The following PCYT1A variants were observed in gnomAD, a reference collection of about 807,000 sequenced individuals.
The protein encoded by PCYT1A is choline-phosphate cytidylyltransferase A.
A neutral mutation model predicts 43.7 loss-of-function variants in PCYT1A; 25 were observed. The ratio of observed to expected loss-of-function variants is 0.57; its 90% CI spans 0.42 to 0.80. The LOEUF (loss-of-function observed/expected upper bound fraction) is 0.80. Ranked by LOEUF, PCYT1A falls within the 30% of genes least tolerant of loss-of-function variation. The pLI, the probability that PCYT1A is intolerant of heterozygous loss-of-function variation, is 0.00. For missense variants in PCYT1A, 421 were observed against 474.2 expected (o/e 0.89, Z 1.04); for synonymous variants, 172 against 170.7 (o/e 1.01, Z -0.06).
intron 1 of PCYT1A, among the ~76,000 whole-genome samples, chr3:196,281,724 A>T (rs1725776822): frequency 6.6e-6 from 1 of 152,158 alleles, no homozygotes; most frequent in South Asian, 2.1e-4. Context: ...AGTGAAAAAC[A>T]GTGTTAGAAA....
At chr3:196,243,874 C>T (rs1308865977) in intron 5 of PCYT1A, among the ~76,000 whole-genome samples, 3 of 152,372 alleles carry the variant, frequency 2.0e-5, no homozygotes, top group African/African-American at 4.8e-5. Flanking sequence ...GGCGTGATCT[C>T]GGCTCGCTAC....
intron 3 of PCYT1A, among the ~76,000 whole-genome samples, chr3:196,256,463 C>A (rs945830980): frequency 1.3e-5 from 2 of 152,112 alleles, no homozygotes; most frequent in Admixed American, 6.5e-5. Context: ...GCATGCCAGC[C>A]TGGGCAACAG....
At chr3:196,280,570 GTTTTTTTT>G in intron 1 of PCYT1A, among the ~76,000 whole-genome samples, 1 of 91,344 alleles carries the variant, frequency 1.1e-5, no homozygotes, top group South Asian at 4.0e-4. Flanking sequence ...TATTTTTATT[GTTTTTTTT>G]TTTTTTTTTT....
chr3:196,274,531 A>T (rs1046168273), intron 1 of PCYT1A, among the ~76,000 whole-genome samples: 1 of 152,204 alleles, frequency 6.6e-6, no homozygotes, highest in East Asian at 1.9e-4. Flanking sequence ...ATCAGCCAGA[A>T]ATTGGGGGTA....
At chr3:196,276,664 G>C (rs1014808550) in intron 1 of PCYT1A, among the ~76,000 whole-genome samples, 3 of 151,590 alleles carry the variant, frequency 2.0e-5, no homozygotes, top group African/African-American at 4.9e-5. Context: ...CTTCAATTAA[G>C]GCATGGAAAA....
At chr3:196,245,056 C>T (rs1724516580) in intron 5 of PCYT1A, among the ~76,000 whole-genome samples, 1 of 151,560 alleles carries the variant, frequency 6.6e-6, no homozygotes, top group Admixed American at 6.6e-5. Context: ...TGCCAAATCC[C>T]CCTCTGCGAG....
At chr3:196,251,478 C>A (rs985464281) in intron 3 of PCYT1A, 1 of 152,850 alleles carries the variant, frequency 6.5e-6, no homozygotes, top group Admixed American at 6.5e-5. Context: ...AAAAGCTTTA[C>A]TCATAAATAA....
In PCYT1A at chr3:196,239,656, A is replaced by C; in HGVS notation, c.788T>G (p.Phe263Cys). ...GCTTTTTTCCTCCACCTTCTGAACAAATTCTTTTGACTTTTCCTCCACATC... is the reference window on the plus strand; with the variant it reads ...GCTTTTTTCCTCCACCTTCTGAACACATTCTTTTGACTTTTCCTCCACATC... ...VKDVEEKSKE[F>C]VQKVEEKSID... is the part of the protein sequence containing the mutation. Residue 263 changes from phenylalanine to cysteine, a missense_variant, in exon 8 of 9, where the codon TTT becomes TGT. This residue lies in a region of PCYT1A where 174 missense variants were observed against 270.7 expected (regional missense o/e 0.64). Coordinates refer to ENST00000431016, the MANE Select transcript of PCYT1A (RefSeq NM_001312673.2). 1 of 1,611,510 alleles carries C rather than the reference A, an allele frequency of 6.2e-7. No homozygotes were observed. The highest frequency in any genetic ancestry group is 8.5e-7 in the Non-Finnish European group (1 of 1,177,654).
intron 1 of PCYT1A, among the ~76,000 whole-genome samples, chr3:196,279,772 C>G (rs935299296): frequency 2.0e-5 from 3 of 148,912 alleles, no homozygotes; most frequent in South Asian, 2.1e-4. Flanking sequence ...ATGCTTGAGT[C>G]TGAAAGATGA....
chr3:196,278,660 A>G (rs1725662301), intron 1 of PCYT1A, among the ~76,000 whole-genome samples: 1 of 152,144 alleles, frequency 6.6e-6, no homozygotes, highest in African/African-American at 2.4e-5. Flanking sequence ...TTAGTGGTTC[A>G]TCCTCCAGAA....
intron 1 of PCYT1A, among the ~76,000 whole-genome samples, chr3:196,281,415 G>T (rs1725768613): frequency 6.6e-6 from 1 of 152,210 alleles, no homozygotes; most frequent in South Asian, 2.1e-4. Flanking sequence ...AGAAAATCTA[G>T]ATCAGGGGTC....
In PCYT1A at chr3:196,247,024, G is replaced by A. The variant is rs539909738; in HGVS notation, c.486+343C>T. Reference sequence around the variant, plus strand: ...CCCTGCCAGTGGTGTAACTTGTGGCGAGTTCAGTTCCCAGCCCTGCCAATG... The same window carrying A: ...CCCTGCCAGTGGTGTAACTTGTGGCAAGTTCAGTTCCCAGCCCTGCCAATG... On this transcript the variant is annotated intron_variant, in intron 5 of 8. Transcript: ENST00000431016. The surrounding 1 kb of genome is among the most constrained non-coding windows in gnomAD (Gnocchi z 4.8). Among the ~76,000 whole-genome samples, 212 of 151,886 alleles carry A rather than the reference G, an allele frequency of 1.4e-3. No individual in the cohort carries two copies. Among genetic ancestry groups the A allele is most frequent in the African/African-American group, 4.9e-3 (205 of 41,420 alleles).
chr3:196,242,045 T>G lies in PCYT1A; in HGVS notation c.611A>C (p.Asp204Ala). The G allele has an allele frequency of 6.2e-7, 1 of 1,614,098 alleles. No homozygotes were observed. Among genetic ancestry groups the G allele is most frequent in the Non-Finnish European group, 8.5e-7 (1 of 1,180,010 alleles). ...TQRTEGISTS[D>A]IITRIVRDYD... Reference sequence around the variant, plus strand: ...ATCCCGCACAATTCGGGTGATGATGTCTGATGTGGAGATACCTTCTGTCCT... The same window carrying G: ...ATCCCGCACAATTCGGGTGATGATGGCTGATGTGGAGATACCTTCTGTCCT... The change falls in exon 7 of 9, where the codon GAC (aspartate) becomes GCC (alanine). Residue 204 changes from aspartate (D) to alanine (A), a missense_variant. Transcript: ENST00000431016. The surrounding 1 kb of genome is among the most constrained non-coding windows in gnomAD (Gnocchi z 4.2).
chr3:196,281,088 G>T (rs1725758856), intron 1 of PCYT1A, among the ~76,000 whole-genome samples: 1 of 152,154 alleles, frequency 6.6e-6, no homozygotes, highest in Non-Finnish European at 1.5e-5. Context: ...AAAACCCAAT[G>T]CCCAGTATTT....
chr3:196,246,808 A>G (rs1321636828), intron 5 of PCYT1A, among the ~76,000 whole-genome samples: 6 of 152,044 alleles, frequency 3.9e-5, no homozygotes, highest in Non-Finnish European at 8.8e-5. Context: ...TGTGGGGGGA[A>G]GGTCTCGTAA....
At chr3:196,270,678 T>C (rs1725405114) in intron 1 of PCYT1A, 137 bp from the exon 2 acceptor site, 4 of 720,056 alleles carry the variant, frequency 5.6e-6, no homozygotes, top group Non-Finnish European at 7.5e-6. Flanking sequence ...GATGAGCCAA[T>C]GGCATCTGGC....
In PCYT1A at chr3:196,268,806, T is replaced by C. The variant is rs1167719452; in HGVS notation, c.117+1609A>G. Among the ~76,000 whole-genome samples, 1 of 151,670 alleles carries C rather than the reference T, an allele frequency of 6.6e-6. No individual in the cohort carries two copies. Among genetic ancestry groups the C allele is most frequent in the South Asian group, 2.1e-4 (1 of 4,820 alleles). Reference sequence around the variant, plus strand: ...CGAGACTCTGTCTCAAAAATACAAATAAAAATAAATAAAAATAAAAATAGT... The same window carrying C: ...CGAGACTCTGTCTCAAAAATACAAACAAAAATAAATAAAAATAAAAATAGT... On this transcript the variant is annotated intron_variant, in intron 2 of 8. Transcript: ENST00000431016. The surrounding 1 kb of genome is among the most constrained non-coding windows in gnomAD (Gnocchi z 4.4).
chr3:196,265,740 T>G (rs929769443), intron 2 of PCYT1A, among the ~76,000 whole-genome samples: 2 of 150,328 alleles, frequency 1.3e-5, no homozygotes, highest in African/African-American at 4.9e-5. Flanking sequence ...CCCCCTACCC[T>G]TTTTTTTTCT....
At chr3:196,272,506 A>C (rs1465171360) in intron 1 of PCYT1A, among the ~76,000 whole-genome samples, 2 of 152,144 alleles carry the variant, frequency 1.3e-5, no homozygotes, top group African/African-American at 4.8e-5. Context: ...TTTAGTAGAG[A>C]CAGGGTTTTG....
Sources: allele counts gnomAD v4.1 joint callset (sites outside exome capture counted in the v4.1 genomes callset), GRCh38; gene constraint gnomAD v4.1.1; regional missense constraint gnomAD v4.1.1; non-coding constraint Gnocchi (gnomAD v3.1); transcripts MANE v1.5; gene names NCBI Gene and HGNC (gene_info 2026-07-23, HGNC 2026-07-21).